Variants in MYO1B observed in about 807,000 individuals in gnomAD.
The protein encoded by MYO1B is myosin IB, also known as unconventional myosin-Ib.
In MYO1B, 72 loss-of-function variants were observed where a neutral mutation model predicts 159.7. That is an observed-to-expected ratio of 0.45 (90% CI 0.37 to 0.55). The LOEUF is 0.55. MYO1B is among the 20% of genes least tolerant of loss of function. MYO1B has a pLI of 0.00. For synonymous variants in MYO1B, 468 were observed against 473.8 expected (o/e 0.99, Z 0.16); for missense variants, 1,062 against 1,364.8 (o/e 0.78, Z 3.50).
At chr2:191,395,318 C>T (rs548513073) in intron 20 of MYO1B, among the ~76,000 whole-genome samples, 1 of 152,258 alleles carries the variant, frequency 6.6e-6, no homozygotes, top group South Asian at 2.1e-4. Flanking sequence ...AGTGGCTTGT[C>T]TGAGGTCCCA....
chr2:191,254,425 A>T (rs1206873465), intron 1 of MYO1B, among the ~76,000 whole-genome samples: 1 of 151,568 alleles, frequency 6.6e-6, no homozygotes, highest in African/African-American at 2.4e-5. Context: ...GTTGAGACTG[A>T]TCTCGAACTC....
intron 4 of MYO1B, among the ~76,000 whole-genome samples, chr2:191,341,144 A>G (rs1047037641): frequency 6.6e-6 from 1 of 152,136 alleles, no homozygotes; most frequent in South Asian, 2.1e-4. Context: ...GCTTATCAGT[A>G]TATAATATAA....
intron 3 of MYO1B, among the ~76,000 whole-genome samples, chr2:191,304,562 C>A (rs2125839826): frequency 7.0e-6 from 1 of 142,148 alleles, no homozygotes; most frequent in African/African-American, 2.5e-5. Flanking sequence ...AAGAGCAAAA[C>A]CCCATCTCAA....
chr2:191,274,146 C>G (rs1687617095), intron 1 of MYO1B, among the ~76,000 whole-genome samples: 1 of 152,156 alleles, frequency 6.6e-6, no homozygotes, highest in African/African-American at 2.4e-5. Flanking sequence ...CAAAACAAAG[C>G]AAAACTGTTT....
chr2:191,387,097 C>T, intron 16 of MYO1B, 127 bp from the exon 17 acceptor site: 2 of 876,358 alleles, frequency 2.3e-6, no homozygotes, highest in Non-Finnish European at 1.8e-6. Flanking sequence ...GTGTGACTAA[C>T]ATGTCAGGGA....
Position 191,387,358 on chromosome 2 carries a change from C to T in MYO1B, c.1689C>T (p.Asn563=). The T allele has an allele frequency of 6.2e-7, 1 of 1,614,180 alleles. No individual in the cohort carries two copies. Among genetic ancestry groups the T allele is most frequent in the Non-Finnish European group, 8.5e-7 (1 of 1,180,024 alleles). The change falls in exon 17 of 31, where the codon AAC becomes AAT. Residue 563 remains asparagine, a synonymous_variant. Transcript: ENST00000392318. Reference sequence around the variant, plus strand: ...CCGAAGGGAATCCCGCCAAGATCAACCTGAAAAGGCCTCCTACAGCAGGCT... The same window carrying T: ...CCGAAGGGAATCCCGCCAAGATCAATCTGAAAAGGCCTCCTACAGCAGGCT... The part of the protein sequence containing the change: ...LFPEGNPAKI[N]LKRPPTAGSQ...
chr2:191,364,359 T>G, intron 11 of MYO1B, 83 bp downstream of exon 11: 1 of 1,081,832 alleles, frequency 9.2e-7, no homozygotes, highest in African/African-American at 1.6e-5. Flanking sequence ...GATTTTAGTT[T>G]ACAGGCTGTT....
intron 1 of MYO1B, among the ~76,000 whole-genome samples, chr2:191,256,654 A>G (rs6434458): frequency 0.1 from 15,606 of 152,142 alleles, 2,650 homozygotes; most frequent in African/African-American, 0.36. Flanking sequence ...TTAACTCTCT[A>G]TTTTCTAAAT....
chr2:191,284,360 T>A (rs1260493770), intron 2 of MYO1B, among the ~76,000 whole-genome samples: 1 of 152,178 alleles, frequency 6.6e-6, no homozygotes, highest in Non-Finnish European at 1.5e-5. Context: ...GAGGGTGAAA[T>A]GACATGGCAT....
At chr2:191,383,881 T>G (rs560254040) in intron 15 of MYO1B, among the ~76,000 whole-genome samples, 28 of 152,158 alleles carry the variant, frequency 1.8e-4, no homozygotes, top group African/African-American at 6.3e-4. Context: ...AACATACTAT[T>G]CACCGGGTAT....
intron 15 of MYO1B, among the ~76,000 whole-genome samples, chr2:191,384,184 A>C (rs1695267274): frequency 6.6e-6 from 1 of 152,248 alleles, no homozygotes; most frequent in Non-Finnish European, 1.5e-5. Context: ...AATTAAATGT[A>C]GGAAGACTGA....
At chr2:191,381,352 T>C (rs747677713) in intron 13 of MYO1B, 110 bp from the exon 14 acceptor site, 2 of 827,770 alleles carry the variant, frequency 2.4e-6, no homozygotes, top group East Asian at 5.2e-5. Context: ...CACAGTTAAA[T>C]CTGAGAGATC....
At chr2:191,297,851 G>T (rs1689078350) in intron 3 of MYO1B, among the ~76,000 whole-genome samples, 1 of 152,138 alleles carries the variant, frequency 6.6e-6, no homozygotes, top group African/African-American at 2.4e-5. Flanking sequence ...GGGTAGGAGG[G>T]TGCTTGCTGC....
At chr2:191,382,870 A>G (rs1695125208) in intron 14 of MYO1B, among the ~76,000 whole-genome samples, 1 of 152,216 alleles carries the variant, frequency 6.6e-6, no homozygotes, top group African/African-American at 2.4e-5. Flanking sequence ...ATGATTACAG[A>G]TTCAGAACAG....
At chr2:191,378,210 G>A (rs531321979) in intron 13 of MYO1B, among the ~76,000 whole-genome samples, 171 of 152,248 alleles carry the variant, frequency 1.1e-3, no homozygotes, top group African/African-American at 3.9e-3. Context: ...TCACTTTTTG[G>A]TGATCTGCCA....
intron 2 of MYO1B, among the ~76,000 whole-genome samples, chr2:191,284,142 C>T (rs867054084): frequency 2.6e-5 from 4 of 152,192 alleles, no homozygotes; most frequent in Admixed American, 2.6e-4. Context: ...CTGCACATGG[C>T]TCTTCACCTT....
chr2:191,331,468 T>A lies in MYO1B; in HGVS notation c.346+1439T>A, dbSNP rs190434223. On this transcript the variant is annotated intron_variant, in intron 4 of 30. Coordinates refer to ENST00000392318, the MANE Select transcript of MYO1B (RefSeq NM_001130158.3). ...TGCCTCTACCTATTTGTCTTCAGTC[T>A]GCTACCTGGAACTTTACCATATTTG... 1.9e-3 allele frequency among the ~76,000 whole-genome samples: 294 copies of A among 152,358 alleles called. 1 individual carries two copies. The highest frequency in any genetic ancestry group is 6.8e-3 in the African/African-American group (283 of 41,578).
chr2:191,416,197 C>T lies in MYO1B; in HGVS notation c.3242C>T (p.Thr1081Ile), dbSNP rs1204816864. The T allele has an allele frequency of 1.2e-5, 19 of 1,614,044 alleles. No homozygotes were observed. The highest frequency in any genetic ancestry group is 1.6e-5 in the Non-Finnish European group (19 of 1,180,040). ...IEMATKLYRT[T>I]LSQTKQKLNI... ...ATGGCCACCAAGCTCTATCGCACAACTCTCAGCCAAACCAAACAGAAGCTC... is the reference window on the plus strand; with the variant it reads ...ATGGCCACCAAGCTCTATCGCACAATTCTCAGCCAAACCAAACAGAAGCTC... Residue 1081 changes from threonine (T) to isoleucine (I), a missense_variant, in exon 30 of 31, where the codon ACT becomes ATT. By Grantham distance (89) the Thr-to-Ile change is moderately conservative. Transcript: ENST00000392318.
chr2:191,366,803 C>T (rs1047777756), intron 11 of MYO1B, among the ~76,000 whole-genome samples: 9 of 151,922 alleles, frequency 5.9e-5, no homozygotes, highest in African/African-American at 2.2e-4. Flanking sequence ...CTGATTGTGC[C>T]CTATCCTAGG....
Sources: gnomAD v4.1 joint callset for allele counts (sites outside exome capture counted in the v4.1 genomes callset) on GRCh38, gnomAD v4.1.1 for gene constraint, MANE v1.5 for transcripts, NCBI Gene and HGNC (gene_info 2026-07-23, HGNC 2026-07-21) for gene names.